CLIC5: variants seen among roughly 807,000 people sequenced by gnomAD.
The protein encoded by CLIC5 is CLIC family member 5.
In CLIC5, 20 loss-of-function variants were observed where a neutral mutation model predicts 24.7. The observed-to-expected ratio is 0.81, with a 90% CI of 0.57 to 1.18. CLIC5 has a LOEUF of 1.18. Among genes scored for constraint, CLIC5 ranks in the 50% most tolerant of loss-of-function variants. CLIC5 has a pLI of 0.00. For synonymous variants in CLIC5, 159 were observed against 135.6 expected, an observed-to-expected ratio of 1.17 and a Z score of -1.20; for missense variants, 341 against 326.1, an observed-to-expected ratio of 1.05 and a Z score of -0.35.
intron 5 of CLIC5, 102 bp from the exon 6 acceptor site, chr6:45,903,357 C>T: frequency 5.2e-6 from 5 of 954,156 alleles, no homozygotes; most frequent in Non-Finnish European, 6.0e-6. Flanking sequence ...AGGAAACCTC[C>T]GTGCATCACC....
At chr6:45,976,349 T>A (rs751925772) in intron 1 of CLIC5, among the ~76,000 whole-genome samples, 3 of 152,164 alleles carry the variant, frequency 2.0e-5, no homozygotes, top group Admixed American at 6.5e-5. Context: ...GCTTGTTTCT[T>A]TCTTTGTTAA....
intron 4 of CLIC5, among the ~76,000 whole-genome samples, chr6:45,925,558 G>T (rs950963940): frequency 6.6e-6 from 1 of 152,112 alleles, no homozygotes; most frequent in Admixed American, 6.5e-5. Context: ...CTCGTGATCC[G>T]CCTGCCCTGG....
chr6:46,065,978 T>C (rs1372910374), intron 1 of CLIC5, among the ~76,000 whole-genome samples: 1 of 152,186 alleles, frequency 6.6e-6, no homozygotes, highest in Non-Finnish European at 1.5e-5. Context: ...ATAATGCATT[T>C]GTGTCAAATA....
chr6:46,085,324 C>T (rs1018164496), upstream of CLIC5, among the ~76,000 whole-genome samples: 34 of 152,358 alleles, frequency 2.2e-4, no homozygotes, highest in African/African-American at 7.5e-4. Flanking sequence ...TGAGGAACTG[C>T]GTTCCTTTGG....
Position 45,914,297 on chromosome 6 carries a change from G to A in CLIC5, c.519C>T (p.Arg173=), listed in dbSNP as rs1001620782. 1.9e-6 allele frequency: 3 copies of A among 1,608,272 alleles called. No homozygotes were observed. The highest frequency in any genetic ancestry group is 1.3e-5 in the African/African-American group (1 of 74,886). ...NTCGEDKGSR[R]KFLDGDELTL... ...TCAGCTCATCCCCATCCAGGAACTT[G>A]CGCCGGGACCCCTTGTCTTCCCCAC... Residue 173 remains arginine, a synonymous_variant, in exon 5 of 6, where the codon CGC becomes CGT. Coordinates refer to ENST00000339561, the MANE Select transcript of CLIC5 (RefSeq NM_016929.5).
Position 46,061,568 on chromosome 6 carries a change from C to T in CLIC5, c.540+18135G>A, listed in dbSNP as rs80155661. Among the ~76,000 whole-genome samples the T allele has an allele frequency of 5.9e-3, 895 of 152,298 alleles. 11 individuals are homozygous for T. Among genetic ancestry groups the T allele is most frequent in the African/African-American group, 0.021 (866 of 41,574 alleles). The stretch of plus-strand genomic sequence containing the variant: ...TGTCTTGGTTCCAGGCTTAATGTTG[C>T]ATTTGGCCTTAGAGACTAGAGGGGC... On this transcript the variant is annotated intron_variant, in intron 1 of 5. Coordinates refer to the CLIC5 transcript ENST00000185206.
At chr6:46,053,545 T>C (rs967682060) in intron 1 of CLIC5, among the ~76,000 whole-genome samples, 1 of 152,170 alleles carries the variant, frequency 6.6e-6, no homozygotes, top group Non-Finnish European at 1.5e-5. Context: ...CTGAAGTTGC[T>C]TATAATTTAG....
the CLIC5 span, among the ~76,000 whole-genome samples, chr6:46,112,318 T>A: frequency 6.6e-6 from 1 of 152,100 alleles, no homozygotes; most frequent in African/African-American, 2.4e-5. Flanking sequence ...AAAAGAAACA[T>A]TTACCATCTA....
chr6:46,051,977 A>T (rs1768115365), intron 1 of CLIC5, among the ~76,000 whole-genome samples: 1 of 152,174 alleles, frequency 6.6e-6, no homozygotes, highest in South Asian at 2.1e-4. Flanking sequence ...TTTAGGACCC[A>T]TTGACTCAGC....
downstream of CLIC5, among the ~76,000 whole-genome samples, chr6:45,898,017 G>A (rs1463408211): frequency 6.6e-6 from 1 of 151,018 alleles, no homozygotes; most frequent in African/African-American, 2.4e-5. Context: ...CACAAACTTT[G>A]TGCTTTTCGT....
At chr6:45,958,603 ACATATAATATT>A (rs1371379450) in intron 1 of CLIC5, among the ~76,000 whole-genome samples, 9 of 151,190 alleles carry the variant, frequency 6.0e-5, no homozygotes, top group African/African-American at 1.9e-4. Flanking sequence ...ATATCATGCC[ACATATAATATT>A]CCATATGGTG....
At chr6:46,020,587 T>A (rs1404779464), upstream of CLIC5, among the ~76,000 whole-genome samples, 1 of 151,288 alleles carries the variant, frequency 6.6e-6, no homozygotes, top group East Asian at 1.9e-4. Context: ...AAACAGAAAT[T>A]AATGAAATCG....
At chr6:45,903,615 CA>C (rs1762569317) in intron 5 of CLIC5, among the ~76,000 whole-genome samples, 1 of 152,154 alleles carries the variant, frequency 6.6e-6, no homozygotes, top group Admixed American at 6.5e-5. Context: ...TGAATACATA[CA>C]TTATCTTACA....
intron 5 of CLIC5, chr6:45,911,579 A>C: frequency 4.1e-6 from 4 of 983,560 alleles, no homozygotes; most frequent in Non-Finnish European, 4.8e-6. Flanking sequence ...GGGATCCAAA[A>C]GTATTTTTCA....
chr6:46,034,543 A>G (rs1384357954), intron 1 of CLIC5, among the ~76,000 whole-genome samples: 1 of 152,236 alleles, frequency 6.6e-6, no homozygotes, highest in East Asian at 1.9e-4. Context: ...TCAAGTCTGC[A>G]GTGAGCTATG....
chr6:46,113,721 A>G, the CLIC5 span, among the ~76,000 whole-genome samples: 2 of 152,206 alleles, frequency 1.3e-5, no homozygotes, highest in Non-Finnish European at 2.9e-5. Context: ...GTACCTCAGA[A>G]TATGACTGCA....
At chr6:46,095,990 TTTAA>T in the CLIC5 span, among the ~76,000 whole-genome samples, 1 of 152,094 alleles carries the variant, frequency 6.6e-6, no homozygotes, top group Admixed American at 6.5e-5. Flanking sequence ...AGGAAAGAGG[TTTAA>T]TTGACTCACT....
At chr6:46,071,938 C>T (rs915144576) in intron 1 of CLIC5, among the ~76,000 whole-genome samples, 2 of 152,076 alleles carry the variant, frequency 1.3e-5, no homozygotes, top group Non-Finnish European at 2.9e-5. Flanking sequence ...TTTGCAGGAA[C>T]ATGGGTAGAG....
intron 2 of CLIC5, among the ~76,000 whole-genome samples, chr6:45,952,210 A>T (rs950065296): frequency 6.6e-6 from 1 of 152,170 alleles, no homozygotes; most frequent in African/African-American, 2.4e-5. Context: ...AGTACTGCCT[A>T]TGGCCACCGA....
Sources: gnomAD v4.1 joint callset for allele counts (sites outside exome capture counted in the v4.1 genomes callset) on GRCh38, gnomAD v4.1.1 for gene constraint, MANE v1.5 for transcripts, NCBI Gene and HGNC (gene_info 2026-07-23, HGNC 2026-07-21) for gene names.